The following RAB11A variants were observed in gnomAD, a reference collection of about 807,000 sequenced individuals.
The protein encoded by RAB11A is ras-related protein Rab-11A.
In RAB11A, 9 loss-of-function variants were observed where a neutral mutation model predicts 28.0. That is an observed-to-expected ratio of 0.32 (90% CI 0.19 to 0.56). The LOEUF is 0.56. RAB11A is among the 20% of genes least tolerant of loss of function. RAB11A has a pLI of 0.91. For missense variants in RAB11A, 108 were observed against 269.6 expected, an observed-to-expected ratio of 0.40 and a Z score of 4.20; for synonymous variants, 85 against 88.2, an observed-to-expected ratio of 0.96 and a Z score of 0.20.
chr15:65,881,913 T>C (rs1411212559), intron 4 of RAB11A, among the ~76,000 whole-genome samples: 1 of 144,370 alleles, frequency 6.9e-6, no homozygotes, highest in Non-Finnish European at 1.5e-5. Flanking sequence ...ACAAAAAAAT[T>C]AGCCAGGCAT....
intron 4 of RAB11A, among the ~76,000 whole-genome samples, chr15:65,883,414 T>C (rs994232803): frequency 2.3e-4 from 35 of 152,334 alleles, no homozygotes; most frequent in African/African-American, 8.2e-4. Flanking sequence ...ACTCAAGTTA[T>C]ACACTTTTGG....
In RAB11A at chr15:65,887,702, G is replaced by T; in HGVS notation, c.513G>T (p.Glu171Asp). 6.2e-7 allele frequency: 1 copy of T among 1,609,358 alleles called. No homozygotes were observed. The highest frequency in any genetic ancestry group is 8.5e-7 in the Non-Finnish European group (1 of 1,177,978). The change falls in exon 5 of 5, where the codon GAG becomes GAT. Residue 171 changes from glutamate to aspartate, a missense_variant and splice_region_variant. By Grantham distance (45) the Glu-to-Asp change is conservative. Around this residue, in one of 2 missense-constraint regions of RAB11A, gnomAD observed 85 missense variants for 145.9 expected, o/e 0.58. Transcript: ENST00000261890. ...VEAAFQTILT[E>D]IYRIVSQKQM... is the part of the protein sequence containing the mutation. ...ATTGTGGTTTCTTTTTTCCTTCAGA[G>T]ATTTACCGCATTGTTTCTCAGAAGC...
chr15:65,878,088 T>G (rs748719034), intron 3 of RAB11A, 133 bp downstream of exon 3: 10 of 952,856 alleles, frequency 1.0e-5, no homozygotes, highest in Middle Eastern at 2.1e-4. Context: ...TTTTGAAAGT[T>G]TGTGATGACT....
chr15:65,882,369 CTT>C, intron 4 of RAB11A, among the ~76,000 whole-genome samples: 1 of 152,200 alleles, frequency 6.6e-6, no homozygotes, highest in East Asian at 1.9e-4. Flanking sequence ...AGGACAGACT[CTT>C]TATTGCACTT....
At chr15:65,875,948 TTAG>T (rs2078189222) in intron 1 of RAB11A, among the ~76,000 whole-genome samples, 1 of 152,224 alleles carries the variant, frequency 6.6e-6, no homozygotes, top group Non-Finnish European at 1.5e-5. Context: ...AGAAGAAGTC[TTAG>T]TAGTCAAAAG....
chr15:65,871,506 C>T (rs1290011838), intron 1 of RAB11A, among the ~76,000 whole-genome samples: 4 of 152,186 alleles, frequency 2.6e-5, no homozygotes, highest in Non-Finnish European at 5.9e-5. Flanking sequence ...TAAAGGTTGT[C>T]TTTGAAGTAA....
chr15:65,891,328 TC>T lies in RAB11A; in HGVS notation c.*3489del, dbSNP rs1668047114. 6.6e-6 allele frequency: 1 copy of T among 152,254 alleles called. No homozygotes were observed. The highest frequency in any genetic ancestry group is 1.5e-5 in the Non-Finnish European group (1 of 68,044). The allele number at this position is 152,254 out of a possible 1,614,324, so 9.4% of individuals were successfully genotyped here. On this transcript the variant is annotated 3_prime_UTR_variant, in exon 5 of 5. Transcript: ENST00000261890. ...AATCAATATGATTGAGGTTATCTAT[TC>T]TCCTGAAAAGTGAATTGGAGAATAA...
rs1012108341 is a variant in RAB11A, at chr15:65,877,683, A to T, written c.237-79A>T. The stretch of plus-strand genomic sequence containing the variant: ...ATTTATAAGTATGTTTTTAAAACTC[A>T]TGATCCATATTTTGAGTTCTTCCTG... On this transcript the variant is annotated intron_variant, in intron 2 of 4. Coordinates refer to ENST00000261890, the MANE Select transcript of RAB11A (RefSeq NM_004663.5). This position sits in a 1 kb window ranked among gnomAD's most constrained non-coding sequence, Gnocchi z 4.1. 1 of 1,371,534 alleles carries T rather than the reference A, an allele frequency of 7.3e-7. No homozygotes were observed. The highest frequency in any genetic ancestry group is 1.5e-5 in the African/African-American group (1 of 68,372). The allele number at this position is 1,371,534 out of a possible 1,614,324, so 85.0% of individuals were successfully genotyped here. A position where few individuals can be genotyped will look rare whatever the true frequency, so the allele number is the denominator to read the frequency against.
In RAB11A at chr15:65,888,469, A is replaced by G. The variant is rs1395156104; in HGVS notation, c.*629A>G. On this transcript the variant is annotated 3_prime_UTR_variant, in exon 5 of 5. Transcript: ENST00000261890. ...TGGAGAATTCTCTTAGTAAACACAA[A>G]AGATTGTTACGGTTTCATTAGTAGT... 2 of 152,486 alleles carry G rather than the reference A, an allele frequency of 1.3e-5. No individual in the cohort carries two copies. The highest frequency in any genetic ancestry group is 2.9e-5 in the Non-Finnish European group (2 of 68,030). The allele number at this position is 152,486 out of a possible 1,614,324, so 9.4% of individuals were successfully genotyped here.
rs377095606 is a variant in RAB11A, at chr15:65,879,771, A to G, written c.511+20A>G. 167 of 1,506,322 alleles carry G rather than the reference A, an allele frequency of 1.1e-4. No individual in the cohort carries two copies. The highest frequency in any genetic ancestry group is 1.3e-4 in the Non-Finnish European group (141 of 1,087,996). 93.3% of individuals were successfully genotyped at this position (1,506,322 alleles called of 1,614,324 possible). On this transcript the variant is annotated intron_variant, in intron 4 of 4. Coordinates refer to ENST00000261890, the MANE Select transcript of RAB11A (RefSeq NM_004663.5). ...TAACAGGTAAGACTTGTATTTTCAG[A>G]TTACACCAGTAGGACTAGAAGTTTT...
intron 4 of RAB11A, among the ~76,000 whole-genome samples, chr15:65,884,987 G>T (rs1447654107): frequency 6.7e-6 from 1 of 148,602 alleles, no homozygotes. Flanking sequence ...TTGGAGACAG[G>T]GTCTCACACT....
At position 65,877,426 on chromosome 15, in the gene RAB11A, A is replaced by G; in HGVS notation, c.135A>G (p.Gly45=). The G allele has an allele frequency of 6.2e-7, 1 of 1,614,046 alleles. No individual in the cohort carries two copies. Among genetic ancestry groups the G allele is most frequent in the Non-Finnish European group, 8.5e-7 (1 of 1,179,946 alleles). Residue 45 remains glycine (G), a synonymous_variant, in exon 2 of 5, where the codon GGA becomes GGG. Transcript: ENST00000261890. This position sits in a 1 kb window ranked among gnomAD's most constrained non-coding sequence, Gnocchi z 4.1. ...EFNLESKSTI[G]VEFATRSIQV... ...ATCTGGAAAGCAAGAGCACCATTGG[A>G]GTAGAGTTTGCAACAAGAAGCATCC...
rs1191297523 is a variant in RAB11A, at chr15:65,889,249, TG to T, written c.*1413del. 2.6e-5 allele frequency: 4 copies of T among 152,334 alleles called. No individual in the cohort carries two copies. Among genetic ancestry groups the T allele is most frequent in the African/African-American group, 9.6e-5 (4 of 41,476 alleles). The allele number at this position is 152,334 out of a possible 1,614,324, so 9.4% of individuals were successfully genotyped here. A position where few individuals can be genotyped will look rare whatever the true frequency, so the allele number is the denominator to read the frequency against. On this transcript the variant is annotated 3_prime_UTR_variant, in exon 5 of 5. Transcript: ENST00000261890. Reference sequence around the variant, plus strand: ...TGTCTCTTGCGGTGCTCATGATGTGTGGGGCACACGGAAGGCATTGCTGTAG... The same window carrying T: ...TGTCTCTTGCGGTGCTCATGATGTGTGGGCACACGGAAGGCATTGCTGTAG...
At chr15:65,870,088 C>T (rs41277716) in intron 1 of RAB11A, 9,529 of 154,946 alleles carry the variant, frequency 0.061, 425 homozygotes, top group Non-Finnish European at 0.092. Context: ...CATTACAGGT[C>T]TTTTTCTTAT....
At chr15:65,887,190 T>C (rs79801720) in intron 4 of RAB11A, among the ~76,000 whole-genome samples, 2 of 152,082 alleles carry the variant, frequency 1.3e-5, no homozygotes, top group Non-Finnish European at 2.9e-5. Context: ...TTTTTTTTTT[T>C]TGAGACCGAG....
At chr15:65,875,202 A>G (rs765604909) in intron 1 of RAB11A, among the ~76,000 whole-genome samples, 1 of 152,090 alleles carries the variant, frequency 6.6e-6, no homozygotes, top group Non-Finnish European at 1.5e-5. Flanking sequence ...CCTCCTGAGT[A>G]GTTGGGACTA....
At chr15:65,887,131 A>C (rs765877453) in intron 4 of RAB11A, among the ~76,000 whole-genome samples, 2 of 149,168 alleles carry the variant, frequency 1.3e-5, no homozygotes, top group Non-Finnish European at 3.0e-5. Flanking sequence ...CTTATGGTTT[A>C]CTTTGAATCT....
intron 4 of RAB11A, among the ~76,000 whole-genome samples, chr15:65,886,124 G>C (rs1321593541): frequency 6.6e-6 from 1 of 152,210 alleles, no homozygotes; most frequent in Non-Finnish European, 1.5e-5. Flanking sequence ...GGATGAGGGG[G>C]AGAAGGTCAG....
chr15:65,886,964 A>G (rs529077130), intron 4 of RAB11A, among the ~76,000 whole-genome samples: 1 of 152,236 alleles, frequency 6.6e-6, no homozygotes, highest in African/African-American at 2.4e-5. Context: ...CCCTTCCAAG[A>G]ATCGTTTGGG....
Sources: gnomAD v4.1 joint callset for allele counts (sites outside exome capture counted in the v4.1 genomes callset) on GRCh38, gnomAD v4.1.1 for gene constraint, gnomAD v4.1.1 regional missense constraint, Gnocchi (gnomAD v3.1) non-coding constraint, MANE v1.5 for transcripts, NCBI Gene and HGNC (gene_info 2026-07-23, HGNC 2026-07-21) for gene names.